Variants in EML4 observed in about 807,000 individuals in gnomAD.
EML4 encodes EMAP like 4, also known as echinoderm microtubule-associated protein-like 4.
Under a neutral mutation model 129.0 loss-of-function variants are expected in EML4, and 72 were observed. The observed-to-expected ratio is 0.56, with a 90% CI of 0.46 to 0.68. The LOEUF (loss-of-function observed/expected upper bound fraction) is 0.68. Among genes scored for constraint, EML4 ranks in the 30% least tolerant of loss-of-function variants. EML4 has a pLI of 0.00. For missense variants in EML4, 1,363 were observed against 1,190.6 expected (o/e 1.14, Z -2.13); for synonymous variants, 532 against 405.0 (o/e 1.31, Z -3.77).
At chr2:42,205,075 G>A (rs752493467) in intron 1 of EML4, among the ~76,000 whole-genome samples, 9 of 152,136 alleles carry the variant, frequency 5.9e-5, no homozygotes, top group Non-Finnish European at 1.2e-4. Context: ...TGTATATTAG[G>A]TGTTGAGGTA....
chr2:42,193,874 C>G (rs929308668), intron 1 of EML4, among the ~76,000 whole-genome samples: 3 of 152,058 alleles, frequency 2.0e-5, no homozygotes, highest in African/African-American at 7.2e-5. Context: ...TTTGTAGAGA[C>G]AGGATCTCAC....
At chr2:42,225,346 A>G (rs1273015195) in intron 1 of EML4, among the ~76,000 whole-genome samples, 1 of 152,146 alleles carries the variant, frequency 6.6e-6, no homozygotes, top group Non-Finnish European at 1.5e-5. Context: ...TATGGTGGCT[A>G]AACAGGTTTA....
chr2:42,307,604 C>A (rs912775780), intron 17 of EML4, among the ~76,000 whole-genome samples: 7 of 151,994 alleles, frequency 4.6e-5, no homozygotes, highest in African/African-American at 1.7e-4. Flanking sequence ...TATCACTGAC[C>A]CTAGGCCTGA....
chr2:42,202,455 G>C (rs1441091824), intron 1 of EML4, among the ~76,000 whole-genome samples: 1 of 152,088 alleles, frequency 6.6e-6, no homozygotes, highest in Non-Finnish European at 1.5e-5. Context: ...GAAGTAACAG[G>C]ATACATGTAT....
intron 1 of EML4, among the ~76,000 whole-genome samples, chr2:42,212,981 C>T (rs1672970404): frequency 6.6e-6 from 1 of 152,152 alleles, no homozygotes; most frequent in African/African-American, 2.4e-5. Flanking sequence ...ATCTCTAAGT[C>T]ACTTTCCAAA....
At chr2:42,326,431 C>T (rs1279927462) in intron 21 of EML4, among the ~76,000 whole-genome samples, 179 bp downstream of exon 21, 1 of 152,138 alleles carries the variant, frequency 6.6e-6, no homozygotes, top group Non-Finnish European at 1.5e-5. Flanking sequence ...TTGTATTTTG[C>T]AGAATCAAGC....
chr2:42,225,413 A>G (rs1046734199), intron 1 of EML4, among the ~76,000 whole-genome samples: 3 of 152,130 alleles, frequency 2.0e-5, no homozygotes, highest in East Asian at 1.9e-4. Flanking sequence ...TCATGTGCTT[A>G]TTGATAATTT....
At chr2:42,204,355 T>C (rs1672414414) in intron 1 of EML4, among the ~76,000 whole-genome samples, 1 of 152,168 alleles carries the variant, frequency 6.6e-6, no homozygotes, top group Admixed American at 6.5e-5. Flanking sequence ...CAGCTTAATC[T>C]CTTGTCTGCT....
rs188960374 is a variant in EML4, at chr2:42,187,388, T to A, written c.25+17752T>A. Among the ~76,000 whole-genome samples, 18 of 152,262 alleles carry A rather than the reference T, an allele frequency of 1.2e-4. No individual in the cohort carries two copies. The East Asian group carries it at 3.3e-3, about 28-fold the overall frequency. Reference sequence around the variant, plus strand: ...AGAATTTCACATGACTGGGATCTTATAATCTGTGGTCTTTTTTGTGCTTTT... The same window carrying A: ...AGAATTTCACATGACTGGGATCTTAAAATCTGTGGTCTTTTTTGTGCTTTT... On this transcript the variant is annotated intron_variant, in intron 1 of 22. Coordinates refer to ENST00000318522, the MANE Select transcript of EML4 (RefSeq NM_019063.5).
At chr2:42,301,999 G>A (rs1668310572) in intron 14 of EML4, among the ~76,000 whole-genome samples, 1 of 151,878 alleles carries the variant, frequency 6.6e-6, no homozygotes. Context: ...ATTTTTAGGA[G>A]TAATTTTAGA....
At chr2:42,306,318 A>G (rs561145439) in intron 17 of EML4, among the ~76,000 whole-genome samples, 1 of 152,242 alleles carries the variant, frequency 6.6e-6, no homozygotes, top group Admixed American at 6.5e-5. Flanking sequence ...GCACACAGGA[A>G]ACCATCTGAG....
At chr2:42,212,060 G>A (rs943820446) in intron 1 of EML4, among the ~76,000 whole-genome samples, 2 of 152,060 alleles carry the variant, frequency 1.3e-5, no homozygotes, top group East Asian at 3.9e-4. Flanking sequence ...TGACCAGGCT[G>A]GTCTTGAGCT....
chr2:42,305,056 C>T (rs1668513728), intron 17 of EML4, among the ~76,000 whole-genome samples: 1 of 152,070 alleles, frequency 6.6e-6, no homozygotes, highest in South Asian at 2.1e-4. Flanking sequence ...GAGACAGTTG[C>T]AGTGAGCCGA....
intron 2 of EML4, among the ~76,000 whole-genome samples, chr2:42,253,086 A>G (rs548797034): frequency 2.0e-5 from 3 of 152,310 alleles, no homozygotes; most frequent in Admixed American, 6.5e-5. Flanking sequence ...GGTGACTAGC[A>G]TATGCTGGAG....
At chr2:42,227,977 T>TGG (rs1039283346) in intron 1 of EML4, among the ~76,000 whole-genome samples, 14 of 152,136 alleles carry the variant, frequency 9.2e-5, no homozygotes, top group African/African-American at 3.4e-4. Context: ...CCCAACACTT[T>TGG]GGGAGGCCAA....
rs998296391 is a variant in EML4 at position 42,264,873 on chromosome 2, AAAC to A, written c.667+143_667+145del. On this transcript the variant is annotated intron_variant, in intron 6 of 22. Coordinates refer to ENST00000318522, the MANE Select transcript of EML4 (RefSeq NM_019063.5). ...TGCGTTACTGTAGTCATTTAGGAAAAAACCCAGTTTTTATTGTAAGGTAATGTC... is the reference window on the plus strand; with the variant it reads ...TGCGTTACTGTAGTCATTTAGGAAAACCAGTTTTTATTGTAAGGTAATGTC... The A allele has an allele frequency of 3.9e-6, 6 of 1,544,278 alleles. No homozygotes were observed. The Admixed American group carries it at 1.0e-4, about 26-fold the overall frequency.
At chr2:42,310,546 A>G (rs1350325205) in intron 17 of EML4, among the ~76,000 whole-genome samples, 2 of 152,142 alleles carry the variant, frequency 1.3e-5, no homozygotes, top group African/African-American at 2.4e-5. Flanking sequence ...GGGTTTCACC[A>G]TGTTGGTCAA....
At chr2:42,212,917 C>T (rs1257286743) in intron 1 of EML4, among the ~76,000 whole-genome samples, 1 of 152,082 alleles carries the variant, frequency 6.6e-6, no homozygotes, top group African/African-American at 2.4e-5. Context: ...CTGGCTGTGC[C>T]CTGTGTTCTG....
intron 10 of EML4, 146 bp from the exon 11 acceptor site, chr2:42,288,081 G>C: frequency 2.4e-6 from 1 of 415,362 alleles, no homozygotes; most frequent in Non-Finnish European, 4.3e-6. Flanking sequence ...GTAGTAAATA[G>C]TGTATTCATT....
Sources: allele counts gnomAD v4.1 joint callset (sites outside exome capture counted in the v4.1 genomes callset), GRCh38; gene constraint gnomAD v4.1.1; transcripts MANE v1.5; gene names NCBI Gene and HGNC (gene_info 2026-07-23, HGNC 2026-07-21).